The following NALF1 variants were observed in gnomAD, a reference collection of about 807,000 sequenced individuals.
The protein encoded by NALF1 is family with sequence similarity 155 member A.
Under a neutral mutation model 48.4 loss-of-function variants are expected in NALF1, and 3 were observed. That is an observed-to-expected ratio of 0.06 (90% confidence interval 0.03 to 0.16). NALF1 has a LOEUF of 0.16. NALF1 is among the 10% of genes least tolerant of loss of function. The probability of loss-of-function intolerance (pLI) is 1.00; values close to 1 mark genes in which losing one functional copy is unlikely to be tolerated. For synonymous variants in NALF1, 262 were observed against 245.7 expected (o/e 1.07, Z -0.62); for missense variants, 526 against 571.5 (o/e 0.92, Z 0.81).
At chr13:107,290,185 AAC>A (rs1491261958) in intron 1 of NALF1, among the ~76,000 whole-genome samples, 1 of 144,338 alleles carries the variant, frequency 6.9e-6, no homozygotes, top group Non-Finnish European at 1.5e-5. Flanking sequence ...AAAAAAAAAA[AAC>A]AAAAAAAAAA....
At chr13:107,372,667 A>T (rs994561229) in intron 1 of NALF1, among the ~76,000 whole-genome samples, 8 of 152,234 alleles carry the variant, frequency 5.3e-5, no homozygotes, top group Non-Finnish European at 8.8e-5. Flanking sequence ...AAGATCTTCA[A>T]TTAGATAAGA....
At chr13:107,179,586 A>G (rs888751951) in intron 2 of NALF1, among the ~76,000 whole-genome samples, 11 of 151,350 alleles carry the variant, frequency 7.3e-5, no homozygotes, top group African/African-American at 2.7e-4. Flanking sequence ...TGATGTGTTT[A>G]TTACACATCT....
At chr13:107,645,434 A>G (rs1320038715) in intron 1 of NALF1, among the ~76,000 whole-genome samples, 2 of 152,144 alleles carry the variant, frequency 1.3e-5, no homozygotes, top group Non-Finnish European at 2.9e-5. Flanking sequence ...CTAATTGCCA[A>G]ATGGAATGCT....
intron 1 of NALF1, among the ~76,000 whole-genome samples, chr13:107,793,287 C>T (rs928854135): frequency 1.3e-5 from 2 of 152,058 alleles, no homozygotes; most frequent in Admixed American, 6.5e-5. Flanking sequence ...AATAGTTATC[C>T]GTGAATATCT....
intron 1 of NALF1, among the ~76,000 whole-genome samples, chr13:107,525,345 T>C (rs1876396204): frequency 1.3e-5 from 2 of 152,166 alleles, no homozygotes; most frequent in African/African-American, 2.4e-5. Context: ...TTCCCAAATG[T>C]AATAGAAGTG....
chr13:107,404,992 T>G (rs1277266866), intron 1 of NALF1, among the ~76,000 whole-genome samples: 1 of 152,084 alleles, frequency 6.6e-6, no homozygotes, highest in African/African-American at 2.4e-5. Context: ...GGTAACTTCT[T>G]TTGGATATGG....
chr13:107,174,590 C>T (rs1241194240), intron 2 of NALF1, among the ~76,000 whole-genome samples: 3 of 151,926 alleles, frequency 2.0e-5, no homozygotes, highest in African/African-American at 4.8e-5. Context: ...CTCTTGACCT[C>T]GTGATCCACC....
intron 1 of NALF1, among the ~76,000 whole-genome samples, chr13:107,540,688 C>A (rs1418689141): frequency 6.6e-6 from 1 of 152,074 alleles, no homozygotes; most frequent in African/African-American, 2.4e-5. Context: ...TCTTCTCCTG[C>A]ACTCTAAACA....
At chr13:107,654,463 G>A (rs1268494408) in intron 1 of NALF1, among the ~76,000 whole-genome samples, 1 of 152,012 alleles carries the variant, frequency 6.6e-6, no homozygotes, top group African/African-American at 2.4e-5. Context: ...TAGAATCTCT[G>A]AACAGATCAA....
chr13:107,624,561 A>T (rs557417214), intron 1 of NALF1, among the ~76,000 whole-genome samples: 1 of 152,308 alleles, frequency 6.6e-6, no homozygotes, highest in African/African-American at 2.4e-5. Context: ...TTCACTTCTT[A>T]AAGTAAAACG....
chr13:107,769,568 A>G lies in NALF1; in HGVS notation c.915+96114T>C, dbSNP rs1877515744. 2.0e-5 allele frequency among the ~76,000 whole-genome samples: 3 copies of G among 148,752 alleles called. No homozygotes were observed. In the South Asian group the frequency reaches 6.7e-4, roughly 33 times the overall value. On this transcript the variant is annotated intron_variant, in intron 1 of 2. Transcript: ENST00000375915. ...GGTGGGGGGAGGGGGGAGGGATAGC[A>G]TCGGGAGATATACCTAATGCTAGAT...
At chr13:107,753,238 T>C (rs1024730299) in intron 1 of NALF1, among the ~76,000 whole-genome samples, 1 of 152,172 alleles carries the variant, frequency 6.6e-6, no homozygotes, top group African/African-American at 2.4e-5. Flanking sequence ...CTTCTTCAAG[T>C]GATTACTTTT....
chr13:107,788,225 T>C (rs191775836), intron 1 of NALF1: 2 of 152,360 alleles, frequency 1.3e-5, no homozygotes, highest in African/African-American at 2.4e-5. Flanking sequence ...AACTGGATCA[T>C]TGTAACAGCC....
At chr13:107,606,808 T>C (rs1879085827) in intron 1 of NALF1, among the ~76,000 whole-genome samples, 1 of 152,206 alleles carries the variant, frequency 6.6e-6, no homozygotes, top group African/African-American at 2.4e-5. Flanking sequence ...TTCTGTGCTA[T>C]GATATTACTG....
rs372122331 is a variant in NALF1 at position 107,638,201 on chromosome 13, A to ATATATATATATATATATATATATATG, written c.915+227480_915+227481insCATATATATATATATATATATATATA. Among the ~76,000 whole-genome samples, 44 of 110,834 alleles carry ATATATATATATATATATATATATATG rather than the reference A, an allele frequency of 4.0e-4. 1 individual carries two copies. Among genetic ancestry groups the ATATATATATATATATATATATATATG allele is most frequent in the African/African-American group, 8.8e-4 (31 of 35,300 alleles). The allele number at this position is 110,834 out of a possible 152,430, so 72.7% of individuals were successfully genotyped here. A position where few individuals can be genotyped will look rare whatever the true frequency, so the allele number is the denominator to read the frequency against. The stretch of plus-strand genomic sequence containing the variant: ...TATATAAAGATTTATATATATATAT[A>ATATATATATATATATATATATATATG]TATATAATTTAAGATGAACATTGGG... On this transcript the variant is annotated intron_variant, in intron 1 of 2. Coordinates refer to ENST00000375915, the MANE Select transcript of NALF1 (RefSeq NM_001080396.3).
Position 107,675,824 on chromosome 13 carries a change from G to T in NALF1, c.915+189858C>A, listed in dbSNP as rs569715772. On this transcript the variant is annotated intron_variant, in intron 1 of 2. Transcript: ENST00000375915. The stretch of plus-strand genomic sequence containing the variant: ...ATAGAGCCAATCCAGATGAGGCAAG[G>T]AATGTCACTCATACATGGGGATCTA... 1.9e-4 allele frequency among the ~76,000 whole-genome samples: 29 copies of T among 152,268 alleles called. 1 individual carries two copies. In the South Asian group the frequency reaches 6.0e-3, roughly 32 times the overall value.
intron 1 of NALF1, among the ~76,000 whole-genome samples, chr13:107,211,574 C>T (rs1432849450): frequency 2.0e-5 from 3 of 152,234 alleles, no homozygotes; most frequent in Middle Eastern, 3.4e-3. Flanking sequence ...TTTTCTGACA[C>T]GAAGGAATAA....
chr13:107,456,215 A>G (rs772100807), intron 1 of NALF1, among the ~76,000 whole-genome samples: 21 of 152,220 alleles, frequency 1.4e-4, no homozygotes, highest in South Asian at 4.1e-4. Context: ...CTCACCTGAC[A>G]CTAGAGTGCC....
At chr13:107,548,815 C>T (rs919654672) in intron 1 of NALF1, among the ~76,000 whole-genome samples, 2 of 151,172 alleles carry the variant, frequency 1.3e-5, no homozygotes, top group African/African-American at 2.4e-5. Context: ...TACACACACA[C>T]GTGTGTGTGT....
Sources: allele counts gnomAD v4.1 joint callset (sites outside exome capture counted in the v4.1 genomes callset), GRCh38; gene constraint gnomAD v4.1.1; transcripts MANE v1.5; gene names NCBI Gene and HGNC (gene_info 2026-07-23, HGNC 2026-07-21).